The following SNX13 variants were observed in gnomAD, a reference collection of about 807,000 sequenced individuals.
SNX13 encodes sorting nexin-13.
Under a neutral mutation model 133.6 loss-of-function variants are expected in SNX13, and 45 were observed. That is an observed-to-expected ratio of 0.34 (90% CI 0.27 to 0.43). The LOEUF (loss-of-function observed/expected upper bound fraction) is 0.43, where lower values mean the gene tolerates loss of function less well. Among genes scored for constraint, SNX13 ranks in the 20% least tolerant of loss-of-function variants. The pLI is 1.00. For synonymous variants in SNX13, 414 were observed against 373.9 expected, an observed-to-expected ratio of 1.11 and a Z score of -1.24; for missense variants, 1,032 against 1,145.1, an observed-to-expected ratio of 0.90 and a Z score of 1.43.
intron 1 of SNX13, among the ~76,000 whole-genome samples, chr7:17,910,269 T>C (rs1455488243): frequency 6.6e-6 from 1 of 152,198 alleles, no homozygotes; most frequent in Non-Finnish European, 1.5e-5. Context: ...TCACCTCAGT[T>C]TGAATGAAAG....
intron 4 of SNX13, among the ~76,000 whole-genome samples, chr7:17,890,862 C>A (rs1796548173): frequency 1.3e-5 from 2 of 151,712 alleles, no homozygotes; most frequent in Admixed American, 1.3e-4. Flanking sequence ...ATAATAGAGA[C>A]TATAATTCCA....
intron 8 of SNX13, among the ~76,000 whole-genome samples, chr7:17,869,028 T>C (rs1793733780): frequency 6.6e-6 from 1 of 152,098 alleles, no homozygotes; most frequent in South Asian, 2.1e-4. Flanking sequence ...AATAGATATG[T>C]TAATCGATTC....
chr7:17,937,197 C>A (rs190700140), intron 1 of SNX13, among the ~76,000 whole-genome samples: 2 of 151,596 alleles, frequency 1.3e-5, no homozygotes, highest in East Asian at 3.9e-4. Flanking sequence ...TATATGGGAG[C>A]TATACTTTCA....
intron 1 of SNX13, among the ~76,000 whole-genome samples, chr7:17,935,879 T>C (rs1433932984): frequency 6.6e-6 from 1 of 152,170 alleles, no homozygotes; most frequent in Non-Finnish European, 1.5e-5. Flanking sequence ...AGCTTAAAGA[T>C]TAATGTGCCC....
Position 17,809,507 on chromosome 7 carries a change from A to G in SNX13, c.2064+5327T>C, listed in dbSNP as rs143234974. On this transcript the variant is annotated intron_variant, in intron 20 of 25. Coordinates refer to ENST00000428135, the MANE Select transcript of SNX13 (RefSeq NM_015132.5). ...GACCTACAAAGAGACTTAGAGTCCC[A>G]CACAATAATAGTGGAAGACTTTAAC... 6.4e-3 allele frequency among the ~76,000 whole-genome samples: 968 copies of G among 152,270 alleles called. 8 individuals are homozygous for G. Among genetic ancestry groups the G allele is most frequent in the African/African-American group, 0.022 (926 of 41,546 alleles).
At chr7:17,875,419 G>T in intron 7 of SNX13, 61 bp downstream of exon 7, 1 of 1,368,092 alleles carries the variant, frequency 7.3e-7, no homozygotes, top group Non-Finnish European at 1.0e-6. Flanking sequence ...TTTTTTCACT[G>T]GTTCTGCTAA....
chr7:17,859,571 A>T (rs991897447), intron 9 of SNX13, among the ~76,000 whole-genome samples: 3 of 152,128 alleles, frequency 2.0e-5, no homozygotes, highest in African/African-American at 4.8e-5. Context: ...ACCTTAAACA[A>T]TTTAAGTTAA....
intron 12 of SNX13, among the ~76,000 whole-genome samples, chr7:17,841,550 T>TCA (rs1425135766): frequency 6.6e-5 from 2 of 30,088 alleles, no homozygotes; most frequent in African/African-American, 1.6e-4. Context: ...AGCCAGTTAT[T>TCA]CATACACACA....
intron 1 of SNX13, chr7:17,899,702 C>G (rs1797606250): frequency 6.6e-6 from 1 of 151,814 alleles, no homozygotes; most frequent in Non-Finnish European, 1.5e-5. Flanking sequence ...TTCTGAATTC[C>G]TTCTCTGTAT....
At chr7:17,867,425 A>C (rs992672085) in intron 9 of SNX13, among the ~76,000 whole-genome samples, 12 of 152,004 alleles carry the variant, frequency 7.9e-5, no homozygotes, top group Admixed American at 3.3e-4. Flanking sequence ...AGGGCTACAT[A>C]GCAAAACCAT....
intron 22 of SNX13, among the ~76,000 whole-genome samples, chr7:17,801,283 A>G (rs756505783): frequency 2.6e-5 from 4 of 151,672 alleles, no homozygotes; most frequent in Admixed American, 6.6e-5. Flanking sequence ...TTCATGGAAT[A>G]CGTACCTTAC....
intron 16 of SNX13, among the ~76,000 whole-genome samples, chr7:17,829,560 T>TA (rs35063304): frequency 0.073 from 11,111 of 151,444 alleles, 502 homozygotes; most frequent in South Asian, 0.15. Flanking sequence ...AGTGTAGACT[T>TA]AAAGAAATAT....
At chr7:17,884,456 G>A (rs1795746466) in intron 5 of SNX13, among the ~76,000 whole-genome samples, 3 of 152,036 alleles carry the variant, frequency 2.0e-5, no homozygotes, top group Admixed American at 6.6e-5. Context: ...TCTTATGAAC[G>A]AAAACATAAG....
chr7:17,912,562 C>G (rs557535900), intron 1 of SNX13, among the ~76,000 whole-genome samples: 1 of 152,094 alleles, frequency 6.6e-6, no homozygotes, highest in Non-Finnish European at 1.5e-5. Context: ...AGGCGCCCAC[C>G]ACCACACCTG....
At chr7:17,814,274 T>C (rs1786395775) in intron 20 of SNX13, among the ~76,000 whole-genome samples, 1 of 152,224 alleles carries the variant, frequency 6.6e-6, no homozygotes, top group Non-Finnish European at 1.5e-5. Flanking sequence ...AGCTAGTAAA[T>C]AGTAGAGCAG....
chr7:17,882,338 A>T (rs1182195463), intron 5 of SNX13: 1 of 152,146 alleles, frequency 6.6e-6, no homozygotes, highest in Admixed American at 6.5e-5. Context: ...CAAACTCATA[A>T]CACTACAGAT....
chr7:17,863,427 G>A (rs999797033), intron 9 of SNX13, among the ~76,000 whole-genome samples: 15 of 152,122 alleles, frequency 9.9e-5, no homozygotes, highest in African/African-American at 3.6e-4. Flanking sequence ...TCCACTCAGA[G>A]GAAGGAAAGG....
chr7:17,846,685 A>T (rs554927485), intron 11 of SNX13, among the ~76,000 whole-genome samples: 4 of 152,102 alleles, frequency 2.6e-5, no homozygotes, highest in African/African-American at 4.8e-5. Context: ...AAACAAATCC[A>T]TCTCTATAAT....
chr7:17,815,077 C>T, intron 19 of SNX13, 133 bp from the exon 20 acceptor site: 5 of 959,464 alleles, frequency 5.2e-6, no homozygotes, highest in Non-Finnish European at 6.9e-6. Context: ...TTTTTAAAAA[C>T]CCAATTATAC....
Sources: gnomAD v4.1 joint callset for allele counts (sites outside exome capture counted in the v4.1 genomes callset) on GRCh38, gnomAD v4.1.1 for gene constraint, MANE v1.5 for transcripts, NCBI Gene and HGNC (gene_info 2026-07-23, HGNC 2026-07-21) for gene names.